ARHGEF7: variants seen among roughly 807,000 people sequenced by gnomAD.
ARHGEF7 encodes PAK-interacting exchange factor beta.
In ARHGEF7, 33 loss-of-function variants were observed where a neutral mutation model predicts 109.8. That is an observed-to-expected ratio of 0.30 (90% CI 0.23 to 0.40). The LOEUF is 0.40. Among genes scored for constraint, ARHGEF7 ranks in the 10% least tolerant of loss-of-function variants. The pLI is 1.00. For missense variants in ARHGEF7, 938 were observed against 1,098.5 expected (o/e 0.85, Z 2.07); for synonymous variants, 458 against 424.6 (o/e 1.08, Z -0.97).
chr13:111,133,445 G>A (rs1388506357), intron 1 of ARHGEF7, among the ~76,000 whole-genome samples: 5 of 151,960 alleles, frequency 3.3e-5, no homozygotes, highest in African/African-American at 1.2e-4. Flanking sequence ...CTTATGGGCG[G>A]AAAATATCTG....
intron 2 of ARHGEF7, among the ~76,000 whole-genome samples, chr13:111,184,707 C>A (rs1246156553): frequency 2.0e-5 from 3 of 152,292 alleles, no homozygotes; most frequent in African/African-American, 7.2e-5. Flanking sequence ...CTGTTATTTC[C>A]TATCAGGTGT....
At chr13:111,185,278 G>C (rs2079138368) in intron 2 of ARHGEF7, 1 of 152,376 alleles carries the variant, frequency 6.6e-6, no homozygotes, top group Non-Finnish European at 1.5e-5. Context: ...TGCTCCTGGG[G>C]CTCCCTTACA....
At chr13:111,282,007 G>A (rs561872162) in intron 15 of ARHGEF7, among the ~76,000 whole-genome samples, 44 of 152,296 alleles carry the variant, frequency 2.9e-4, no homozygotes, top group African/African-American at 1.0e-3. Flanking sequence ...CTGCTTTGAC[G>A]TTGTTGCTAG....
chr13:111,174,442 G>A (rs150694046), intron 2 of ARHGEF7, among the ~76,000 whole-genome samples: 362 of 152,260 alleles, frequency 2.4e-3, no homozygotes, highest in African/African-American at 8.4e-3. Flanking sequence ...CAAGGAAGAG[G>A]CCATCTTGCT....
intron 8 of ARHGEF7, among the ~76,000 whole-genome samples, chr13:111,262,381 A>G (rs2091189528): frequency 6.6e-6 from 1 of 152,144 alleles, no homozygotes; most frequent in African/African-American, 2.4e-5. Context: ...TCATGTGGTT[A>G]CAGGGGCCCC....
chr13:111,191,159 T>C (rs981863949), intron 2 of ARHGEF7, among the ~76,000 whole-genome samples: 4 of 151,936 alleles, frequency 2.6e-5, no homozygotes, highest in Admixed American at 2.6e-4. Flanking sequence ...GGTGATGATT[T>C]TGGGGGGCCC....
At chr13:111,270,416 ACT>A (rs1491571669) in intron 9 of ARHGEF7, among the ~76,000 whole-genome samples, 4 of 149,920 alleles carry the variant, frequency 2.7e-5, no homozygotes, top group African/African-American at 9.8e-5. Context: ...TTATGGCACT[ACT>A]TTTTTTTTTT....
chr13:111,190,893 T>C (rs2079809440), intron 2 of ARHGEF7, among the ~76,000 whole-genome samples: 1 of 152,118 alleles, frequency 6.6e-6, no homozygotes, highest in Non-Finnish European at 1.5e-5. Context: ...ACTCCTAGAG[T>C]ACTTGCCAAG....
At chr13:111,300,678 T>C in intron 19 of ARHGEF7, 70 bp from the exon 20 acceptor site, 2 of 1,048,860 alleles carry the variant, frequency 1.9e-6, no homozygotes, top group Non-Finnish European at 2.8e-6. Flanking sequence ...CATGGTATAG[T>C]CAAGTTGTTT....
At chr13:111,174,937 T>C (rs1226281916) in intron 2 of ARHGEF7, among the ~76,000 whole-genome samples, 3 of 152,194 alleles carry the variant, frequency 2.0e-5, no homozygotes, top group East Asian at 3.8e-4. Context: ...ACCTAAAAGC[T>C]CCATCTGTTG....
At chr13:111,281,999 G>T (rs943627475) in intron 15 of ARHGEF7, among the ~76,000 whole-genome samples, 1 of 152,222 alleles carries the variant, frequency 6.6e-6, no homozygotes, top group Non-Finnish European at 1.5e-5. Flanking sequence ...ACCAGACACT[G>T]CTTTGACGTT....
intron 3 of ARHGEF7, chr13:111,209,199 T>C (rs895145967): frequency 2.0e-5 from 3 of 152,034 alleles, no homozygotes; most frequent in African/African-American, 7.3e-5. Context: ...CATTCTCTCT[T>C]TTTTTTAATT....
At position 111,267,696 on chromosome 13, in the gene ARHGEF7, C is replaced by T. The variant is rs1342196496; in HGVS notation, c.1073+26C>T. ...GTGCGCTTGCTAGGCACCTTGGCAACAGGGAGGGTGGATGGCTCTGTGTCC... is the reference window on the plus strand; with the variant it reads ...GTGCGCTTGCTAGGCACCTTGGCAATAGGGAGGGTGGATGGCTCTGTGTCC... On this transcript the variant is annotated intron_variant, in intron 9 of 21. Coordinates refer to ENST00000646102, the MANE Select transcript of ARHGEF7 (RefSeq NM_001354046.2). 4 of 1,612,164 alleles carry T rather than the reference C, an allele frequency of 2.5e-6. No individual in the cohort carries two copies. The African/African-American group carries it at 5.3e-5, about 22-fold the overall frequency.
intron 9 of ARHGEF7, among the ~76,000 whole-genome samples, chr13:111,271,921 G>A (rs78716085): frequency 0.022 from 3,347 of 152,286 alleles, 125 homozygotes; most frequent in African/African-American, 0.077. Flanking sequence ...GTTGGCAAGG[G>A]CAGACAGAGG....
At chr13:111,139,365 C>A (rs1362654471) in intron 1 of ARHGEF7, among the ~76,000 whole-genome samples, 2 of 152,302 alleles carry the variant, frequency 1.3e-5, no homozygotes, top group Middle Eastern at 3.4e-3. Flanking sequence ...CTGTTTCTCC[C>A]CTTTTTGTCT....
At chr13:111,211,678 T>C (rs2082517753) in intron 4 of ARHGEF7, among the ~76,000 whole-genome samples, 1 of 152,222 alleles carries the variant, frequency 6.6e-6, no homozygotes, top group African/African-American at 2.4e-5. Context: ...TAAGAATGAA[T>C]GTTTCTTTAC....
chr13:111,295,599 A>G (rs1475567553), intron 19 of ARHGEF7, among the ~76,000 whole-genome samples: 1 of 152,236 alleles, frequency 6.6e-6, no homozygotes, highest in Non-Finnish European at 1.5e-5. Context: ...AGCAAAATAA[A>G]GGGAAAGGAA....
At chr13:111,133,633 G>T (rs970193428) in intron 1 of ARHGEF7, among the ~76,000 whole-genome samples, 2 of 150,626 alleles carry the variant, frequency 1.3e-5, no homozygotes, top group Non-Finnish European at 3.0e-5. Flanking sequence ...TTTTGTCTAG[G>T]TGGTTATATG....
chr13:111,180,160 C>T (rs1477387119), intron 2 of ARHGEF7, among the ~76,000 whole-genome samples: 1 of 152,170 alleles, frequency 6.6e-6, no homozygotes, highest in Non-Finnish European at 1.5e-5. Context: ...TGGTGGTGGG[C>T]ATCTAAGCCC....
Sources: gnomAD v4.1 joint callset for allele counts (sites outside exome capture counted in the v4.1 genomes callset) on GRCh38, gnomAD v4.1.1 for gene constraint, MANE v1.5 for transcripts, NCBI Gene and HGNC (gene_info 2026-07-23, HGNC 2026-07-21) for gene names.